Variants in TASP1 observed in about 807,000 individuals in gnomAD.
TASP1 encodes threonine aspartase 1.
In TASP1, 16 loss-of-function variants were observed where a neutral mutation model predicts 56.6. The observed-to-expected ratio is 0.28, with a 90% CI of 0.19 to 0.43. The LOEUF (loss-of-function observed/expected upper bound fraction) is 0.43, where lower values mean the gene tolerates loss of function less well. Ranked by LOEUF, TASP1 falls within the 20% of genes least tolerant of loss-of-function variation. The probability of loss-of-function intolerance (pLI) is 1.00; values close to 1 mark genes in which losing one functional copy is unlikely to be tolerated. For missense variants in TASP1, 393 were observed against 511.6 expected, an observed-to-expected ratio of 0.77 and a Z score of 2.24; for synonymous variants, 179 against 184.2, an observed-to-expected ratio of 0.97 and a Z score of 0.23.
At chr20:13,563,672 T>C (rs1188307935) in intron 7 of TASP1, among the ~76,000 whole-genome samples, 1 of 151,802 alleles carries the variant, frequency 6.6e-6, no homozygotes, top group African/African-American at 2.4e-5. Flanking sequence ...ATGATCTTTT[T>C]TTTTTTTTTT....
At chr20:13,161,703 T>C in the TASP1 span, among the ~76,000 whole-genome samples, 1 of 152,226 alleles carries the variant, frequency 6.6e-6, no homozygotes, top group African/African-American at 2.4e-5. Flanking sequence ...GGATTAGCAA[T>C]TAGTAGGAAC....
At chr20:13,376,512 G>T in the TASP1 span, among the ~76,000 whole-genome samples, 3 of 152,166 alleles carry the variant, frequency 2.0e-5, no homozygotes, top group South Asian at 6.2e-4. Flanking sequence ...GAAGCGTGAT[G>T]CCTCCAGCTT....
the TASP1 span, chr20:13,160,204 C>A: frequency 6.7e-7 from 1 of 1,501,736 alleles, no homozygotes; most frequent in South Asian, 1.4e-5. Context: ...TTTGTTGAGA[C>A]AGCTTGGGGT....
intron 11 of TASP1, among the ~76,000 whole-genome samples, chr20:13,466,266 A>G (rs1372307361): frequency 1.3e-5 from 2 of 152,212 alleles, no homozygotes; most frequent in Non-Finnish European, 2.9e-5. Flanking sequence ...AAGAAAAATA[A>G]GCTAATAAAG....
downstream of TASP1, among the ~76,000 whole-genome samples, chr20:13,386,426 T>C (rs1307962982): frequency 6.6e-6 from 1 of 151,600 alleles, no homozygotes; most frequent in Admixed American, 6.5e-5. Context: ...TTTAAAATTT[T>C]CCTTATCTAT....
the TASP1 span, among the ~76,000 whole-genome samples, chr20:13,361,652 T>C: frequency 7.4e-6 from 1 of 134,676 alleles, no homozygotes; most frequent in East Asian, 2.0e-4. Context: ...ACTTGGACTG[T>C]GCCCCCCAAA....
intron 8 of TASP1, among the ~76,000 whole-genome samples, chr20:13,534,571 A>T (rs1052795964): frequency 2.6e-5 from 4 of 152,228 alleles, no homozygotes; most frequent in Admixed American, 6.5e-5. Context: ...ATATACAAAC[A>T]TCTAATAGAA....
chr20:13,615,152 T>C (rs367797895), intron 4 of TASP1, among the ~76,000 whole-genome samples: 7 of 152,120 alleles, frequency 4.6e-5, no homozygotes, highest in African/African-American at 7.2e-5. Context: ...TCCAACCCAC[T>C]AGAAAACGTT....
chr20:13,405,672 G>A (rs1600695748), intron 13 of TASP1, among the ~76,000 whole-genome samples: 1 of 151,726 alleles, frequency 6.6e-6, no homozygotes, highest in East Asian at 1.9e-4. Flanking sequence ...TCAGCCTCCC[G>A]AGCAGCTGGG....
At chr20:13,320,438 C>G in the TASP1 span, among the ~76,000 whole-genome samples, 1 of 152,176 alleles carries the variant, frequency 6.6e-6, no homozygotes, top group South Asian at 2.1e-4. Flanking sequence ...AAGCTGAAAA[C>G]AAGAGAACCG....
chr20:13,172,301 A>T, the TASP1 span, among the ~76,000 whole-genome samples: 1 of 152,162 alleles, frequency 6.6e-6, no homozygotes. Context: ...GCTAGAAAAA[A>T]AATTTTCACC....
chr20:13,153,319 C>T, the TASP1 span, among the ~76,000 whole-genome samples: 1 of 152,122 alleles, frequency 6.6e-6, no homozygotes, highest in Non-Finnish European at 1.5e-5. Context: ...GCTGAAGCAC[C>T]AATAACCTTG....
At chr20:13,328,247 C>T in the TASP1 span, among the ~76,000 whole-genome samples, 1 of 152,114 alleles carries the variant, frequency 6.6e-6, no homozygotes, top group South Asian at 2.1e-4. Flanking sequence ...CAAATTAAAA[C>T]CACAATGAGA....
the TASP1 span, among the ~76,000 whole-genome samples, chr20:13,224,587 ATTGTTT>A: frequency 6.6e-6 from 1 of 152,136 alleles, no homozygotes; most frequent in African/African-American, 2.4e-5. Flanking sequence ...CATCATTTTT[ATTGTTT>A]TTATCTCTGT....
chr20:13,398,554 T>C (rs2041627901), intron 13 of TASP1, among the ~76,000 whole-genome samples: 1 of 152,190 alleles, frequency 6.6e-6, no homozygotes, highest in Admixed American at 6.5e-5. Flanking sequence ...TGTCAAGGAA[T>C]GCCTTCCTTT....
chr20:13,311,126 G>A, the TASP1 span, among the ~76,000 whole-genome samples: 20 of 152,158 alleles, frequency 1.3e-4, no homozygotes, highest in East Asian at 3.9e-4. Context: ...CCCGGGAAGC[G>A]GAGGTTGCAG....
At chr20:13,621,317 G>C (rs1008567658) in intron 4 of TASP1, among the ~76,000 whole-genome samples, 1 of 152,094 alleles carries the variant, frequency 6.6e-6, no homozygotes, top group East Asian at 1.9e-4. Flanking sequence ...TGTAGTCCCA[G>C]CTACACGGGA....
the TASP1 span, among the ~76,000 whole-genome samples, chr20:13,248,860 A>G: frequency 1.4e-4 from 21 of 152,242 alleles, no homozygotes; most frequent in African/African-American, 5.1e-4. Context: ...ACTGGCTTTG[A>G]ATTAACATGA....
the TASP1 span, among the ~76,000 whole-genome samples, chr20:13,342,868 C>T: frequency 2.6e-5 from 4 of 152,224 alleles, no homozygotes; most frequent in African/African-American, 7.2e-5. Flanking sequence ...TATCCAGCTC[C>T]GGTCACTTCT....
Sources: allele counts gnomAD v4.1 joint callset (sites outside exome capture counted in the v4.1 genomes callset), GRCh38; gene constraint gnomAD v4.1.1; transcripts MANE v1.5; gene names NCBI Gene and HGNC (gene_info 2026-07-23, HGNC 2026-07-21).